The following NELL1 variants were observed in gnomAD, a reference collection of about 807,000 sequenced individuals.
The protein encoded by NELL1 is neural EGFL like 1.
In NELL1, 76 loss-of-function variants were observed where a neutral mutation model predicts 107.4. That is an observed-to-expected ratio of 0.71 (90% CI 0.59 to 0.86). The LOEUF (loss-of-function observed/expected upper bound fraction) is 0.86. Among genes scored for constraint, NELL1 ranks in the 40% least tolerant of loss-of-function variants. The pLI, the probability that NELL1 is intolerant of heterozygous loss-of-function variation, is 0.00. For synonymous variants in NELL1, 353 were observed against 341.2 expected (o/e 1.03, Z -0.38); for missense variants, 1,024 against 1,005.5 (o/e 1.02, Z -0.25).
chr11:20,935,364 A>G (rs139289226), intron 9 of NELL1, among the ~76,000 whole-genome samples: 1 of 152,292 alleles, frequency 6.6e-6, no homozygotes, highest in Non-Finnish European at 1.5e-5. Context: ...GGAGGCTGCC[A>G]GTGGAAGGTG....
At chr11:21,062,291 C>T (rs1020496543) in intron 12 of NELL1, among the ~76,000 whole-genome samples, 1 of 152,100 alleles carries the variant, frequency 6.6e-6, no homozygotes, top group Non-Finnish European at 1.5e-5. Context: ...ATTAGCTTTA[C>T]CCTTTTGAAT....
At chr11:21,530,969 A>T (rs1855976857) in intron 15 of NELL1, among the ~76,000 whole-genome samples, 1 of 152,110 alleles carries the variant, frequency 6.6e-6, no homozygotes, top group Non-Finnish European at 1.5e-5. Context: ...AGGTATCCCT[A>T]GCAAGGTAAA....
intron 14 of NELL1, among the ~76,000 whole-genome samples, chr11:21,359,206 C>G (rs953244191): frequency 6.6e-6 from 1 of 152,050 alleles, no homozygotes; most frequent in Non-Finnish European, 1.5e-5. Context: ...TGAATTTTGT[C>G]AGATAATTTT....
Position 20,674,589 on chromosome 11 carries a change from C to T in NELL1, c.56-3343C>T, listed in dbSNP as rs767963190. 38 of 1,412,104 alleles carry T rather than the reference C, an allele frequency of 2.7e-5. 1 individual carries two copies. The South Asian group carries it at 4.2e-4, about 15-fold the overall frequency. 87.5% of individuals were successfully genotyped at this position (1,412,104 alleles called of 1,614,324 possible). On this transcript the variant is annotated intron_variant, in intron 1 of 19. Coordinates refer to ENST00000357134, the MANE Select transcript of NELL1 (RefSeq NM_006157.5). ...TTCAGGGAGGCAGGTATTAACGTTC[C>T]TATTTTATGGATGAGGAAACTGAGG...
intron 11 of NELL1, among the ~76,000 whole-genome samples, chr11:20,958,583 A>C (rs35608087): frequency 0.04 from 6,128 of 152,278 alleles, 397 homozygotes; most frequent in African/African-American, 0.14. Context: ...TTGAGATAAA[A>C]TAACCGTATA....
chr11:21,102,874 G>A (rs183379741), intron 12 of NELL1, among the ~76,000 whole-genome samples: 2 of 152,118 alleles, frequency 1.3e-5, no homozygotes, highest in African/African-American at 4.8e-5. Flanking sequence ...TCTGGACTTA[G>A]TGATTTTTTA....
intron 15 of NELL1, among the ~76,000 whole-genome samples, chr11:21,404,296 T>C (rs984321657): frequency 1.3e-5 from 2 of 151,984 alleles, no homozygotes; most frequent in African/African-American, 4.8e-5. Context: ...ACACTCAAAA[T>C]GAACTGGCTG....
At chr11:21,300,515 G>A (rs1434994535) in intron 14 of NELL1, among the ~76,000 whole-genome samples, 1 of 151,906 alleles carries the variant, frequency 6.6e-6, no homozygotes, top group Non-Finnish European at 1.5e-5. Flanking sequence ...CTGTGTGGAT[G>A]AGGGACCATC....
chr11:21,251,370 C>A (rs778545607), intron 14 of NELL1, among the ~76,000 whole-genome samples: 1 of 152,104 alleles, frequency 6.6e-6, no homozygotes, highest in Non-Finnish European at 1.5e-5. Flanking sequence ...TAAAAATCAT[C>A]ATTGTATAGT....
intron 14 of NELL1, among the ~76,000 whole-genome samples, chr11:21,296,419 A>G (rs1190928213): frequency 1.9e-5 from 2 of 105,258 alleles, no homozygotes; most frequent in African/African-American, 6.5e-5. Flanking sequence ...ACAATTCTGC[A>G]TTATATGTAT....
intron 2 of NELL1, among the ~76,000 whole-genome samples, chr11:20,778,125 A>C (rs1382907948): frequency 6.6e-6 from 1 of 152,148 alleles, no homozygotes; most frequent in Non-Finnish European, 1.5e-5. Flanking sequence ...CCTGCCTAGT[A>C]AGTGCTTATT....
chr11:21,236,448 T>A lies in NELL1; in HGVS notation c.1549+6994T>A, dbSNP rs527241207. On this transcript the variant is annotated intron_variant, in intron 14 of 19. Transcript: ENST00000357134. Reference sequence around the variant, plus strand: ...TTATTCTGAAAAATCAAAGACAAATTAAAATTGTGAAGCAAATTTTTATGT... The same window carrying A: ...TTATTCTGAAAAATCAAAGACAAATAAAAATTGTGAAGCAAATTTTTATGT... Among the ~76,000 whole-genome samples the A allele has an allele frequency of 2.1e-4, 32 of 152,296 alleles. No individual in the cohort carries two copies. The East Asian group carries it at 2.9e-3, about 14-fold the overall frequency.
At chr11:21,275,484 G>T (rs796985642) in intron 14 of NELL1, among the ~76,000 whole-genome samples, 2 of 152,114 alleles carry the variant, frequency 1.3e-5, no homozygotes, top group African/African-American at 4.8e-5. Flanking sequence ...AGGAGGAGCT[G>T]GTACCATTCC....
At chr11:21,261,118 G>T (rs1250908809) in intron 14 of NELL1, among the ~76,000 whole-genome samples, 3 of 151,514 alleles carry the variant, frequency 2.0e-5, no homozygotes, top group African/African-American at 4.8e-5. Context: ...TTAGTCTGCT[G>T]GTTCCTCGAC....
rs1258287130 is a variant in NELL1 at position 21,117,908 on chromosome 11, G to A, written c.1426+4194G>A. ...ATCACTAGTTCCATCCATCCACAAA[G>A]GGATGAGAAAATACTGTCCTACCTC... On this transcript the variant is annotated intron_variant, in intron 13 of 19. Transcript: ENST00000357134. 4.6e-5 allele frequency among the ~76,000 whole-genome samples: 7 copies of A among 152,022 alleles called. No individual in the cohort carries two copies. In the East Asian group the frequency reaches 1.4e-3, roughly 30 times the overall value.
At chr11:20,745,830 A>G (rs1197119463) in intron 2 of NELL1, among the ~76,000 whole-genome samples, 1 of 152,192 alleles carries the variant, frequency 6.6e-6, no homozygotes, top group Non-Finnish European at 1.5e-5. Context: ...CAGGGAAATG[A>G]CTTGTCCAAG....
intron 14 of NELL1, among the ~76,000 whole-genome samples, chr11:21,363,018 G>T (rs184832977): frequency 4.6e-5 from 7 of 151,666 alleles, no homozygotes; most frequent in African/African-American, 1.5e-4. Flanking sequence ...TCTCACTCCC[G>T]CAGTGCTCTG....
intron 16 of NELL1, among the ~76,000 whole-genome samples, chr11:21,556,584 A>G: frequency 6.6e-6 from 1 of 151,970 alleles, no homozygotes; most frequent in South Asian, 2.1e-4. Context: ...ATTTTCTTAC[A>G]TGCCCAAGTA....
chr11:21,066,736 G>A (rs538938756), intron 12 of NELL1, among the ~76,000 whole-genome samples: 93 of 152,096 alleles, frequency 6.1e-4, no homozygotes, highest in Non-Finnish European at 1.1e-3. Context: ...GATCACTTGA[G>A]GTCACGAATT....
Sources: gnomAD v4.1 joint callset for allele counts (sites outside exome capture counted in the v4.1 genomes callset) on GRCh38, gnomAD v4.1.1 for gene constraint, MANE v1.5 for transcripts, NCBI Gene and HGNC (gene_info 2026-07-23, HGNC 2026-07-21) for gene names.